VPS54: variants seen among roughly 807,000 people sequenced by gnomAD.
VPS54 encodes the protein VPS54 subunit of GARP complex.
In VPS54, 45 loss-of-function variants were observed where a neutral mutation model predicts 121.5. The ratio of observed to expected loss-of-function variants is 0.37; its 90% confidence interval spans 0.29 to 0.47. The LOEUF (loss-of-function observed/expected upper bound fraction) is 0.47, where lower values mean the gene tolerates loss of function less well. Among genes scored for constraint, VPS54 ranks in the 20% least tolerant of loss-of-function variants. The pLI is 0.99. For missense variants in VPS54, 1,090 were observed against 1,131.4 expected (o/e 0.96, Z 0.52); for synonymous variants, 371 against 385.8 (o/e 0.96, Z 0.45).
chr2:63,975,953 C>G (rs1461435967), intron 3 of VPS54, among the ~76,000 whole-genome samples: 2 of 152,194 alleles, frequency 1.3e-5, no homozygotes, highest in African/African-American at 4.8e-5. Context: ...CCACGTTGGC[C>G]AGGCTGGTCT....
chr2:63,913,896 G>C, intron 17 of VPS54: 1 of 1,148,788 alleles, frequency 8.7e-7, no homozygotes. Flanking sequence ...CAGGTTTTTT[G>C]ACCTAAGTGG....
chr2:64,006,210 C>T (rs1394741351), intron 1 of VPS54, among the ~76,000 whole-genome samples: 1 of 152,138 alleles, frequency 6.6e-6, no homozygotes, highest in African/African-American at 2.4e-5. Flanking sequence ...AACGAATGAG[C>T]AAATGAATGA....
intron 15 of VPS54, among the ~76,000 whole-genome samples, chr2:63,917,722 G>C (rs1384020346): frequency 6.6e-6 from 1 of 151,908 alleles, no homozygotes; most frequent in African/African-American, 2.4e-5. Flanking sequence ...TTGAGGTTAA[G>C]GACTGTGTCT....
intron 3 of VPS54, among the ~76,000 whole-genome samples, chr2:63,974,707 T>C (rs1676439371): frequency 6.6e-6 from 1 of 152,154 alleles, no homozygotes; most frequent in South Asian, 2.1e-4. Context: ...TAAATGGCAT[T>C]GGGTTTTTAA....
At chr2:63,922,566 T>C (rs957054866) in intron 12 of VPS54, among the ~76,000 whole-genome samples, 7 of 152,152 alleles carry the variant, frequency 4.6e-5, no homozygotes, top group Non-Finnish European at 7.4e-5. Context: ...CTGAGGTAGG[T>C]AGATAAATAA....
At position 64,005,315 on chromosome 2, in the gene VPS54, A is replaced by G. The variant is rs567313732; in HGVS notation, c.-21+13623T>C. On this transcript the variant is annotated intron_variant, in intron 1 of 22. Transcript: ENST00000272322. Reference sequence around the variant, plus strand: ...AGACGGGGTTTCACCGTGTTAGCCAAGATGGTCTCGATCTCCTGACCTTGT... The same window carrying G: ...AGACGGGGTTTCACCGTGTTAGCCAGGATGGTCTCGATCTCCTGACCTTGT... Among the ~76,000 whole-genome samples, 104 of 150,214 alleles carry G rather than the reference A, an allele frequency of 6.9e-4. No homozygotes were observed. The East Asian group carries it at 0.01, about 15-fold the overall frequency.
At chr2:63,933,234 C>A (rs1375633061) in intron 12 of VPS54, among the ~76,000 whole-genome samples, 1 of 152,076 alleles carries the variant, frequency 6.6e-6, no homozygotes, top group South Asian at 2.1e-4. Flanking sequence ...TTTGGAAATT[C>A]ATGTCTTTGA....
intron 6 of VPS54, among the ~76,000 whole-genome samples, chr2:63,964,506 C>T (rs1289166757): frequency 6.6e-6 from 1 of 152,134 alleles, no homozygotes; most frequent in Non-Finnish European, 1.5e-5. Flanking sequence ...ATTATTCTCT[C>T]AGGGCATATA....
chr2:64,009,152 TCTG>T, intron 1 of VPS54, among the ~76,000 whole-genome samples: 1 of 152,206 alleles, frequency 6.6e-6, no homozygotes, highest in African/African-American at 2.4e-5. Context: ...GCTTTCCTCT[TCTG>T]TCTTTGTCTC....
chr2:63,990,602 AC>A (rs1338821174), intron 1 of VPS54, among the ~76,000 whole-genome samples: 5 of 151,416 alleles, frequency 3.3e-5, no homozygotes, highest in Non-Finnish European at 1.5e-5. Context: ...CCTTTCTCAC[AC>A]TCTCATCCTG....
Position 63,962,351 on chromosome 2 carries a change from G to A in VPS54, c.717C>T (p.His239=), listed in dbSNP as rs1377979276. Residue 239 remains histidine (H), a synonymous_variant, in exon 7 of 23, where the codon CAC becomes CAT. Coordinates refer to ENST00000272322, the MANE Select transcript of VPS54 (RefSeq NM_016516.3). ...TTTTCCTGAGGTAGTCCTGCAACTC[G>A]TGTTGAGAGGTCATTGCATGAAAAA... ...EAFFHAMTSQ[H]ELQDYLRKTS... is the part of the protein sequence containing the mutation. The A allele has an allele frequency of 2.5e-6, 4 of 1,613,956 alleles. No homozygotes were observed. Among genetic ancestry groups the A allele is most frequent in the Admixed American group, 1.7e-5 (1 of 60,008 alleles).
At chr2:63,961,625 T>C (rs149838488) in intron 7 of VPS54, among the ~76,000 whole-genome samples, 35 of 152,330 alleles carry the variant, frequency 2.3e-4, no homozygotes, top group African/African-American at 8.4e-4. Context: ...TGGATTTCTT[T>C]TGCAATTTGA....
intron 7 of VPS54, among the ~76,000 whole-genome samples, chr2:63,957,743 T>G (rs898831880): frequency 1.3e-5 from 2 of 152,156 alleles, no homozygotes; most frequent in African/African-American, 4.8e-5. Context: ...AACAAATGTA[T>G]GTAGGAAGAT....
At chr2:63,903,009 A>G (rs1378561848) in intron 20 of VPS54, among the ~76,000 whole-genome samples, 1 of 152,126 alleles carries the variant, frequency 6.6e-6, no homozygotes, top group East Asian at 1.9e-4. Context: ...ATAACACAAC[A>G]TAACATAACA....
In VPS54 at chr2:63,893,329, T is replaced by C. The variant is rs1205657917; in HGVS notation, c.*101A>G. 2 of 1,035,826 alleles carry C rather than the reference T, an allele frequency of 1.9e-6. No individual in the cohort carries two copies. The highest frequency in any genetic ancestry group is 1.3e-5 in the South Asian group (1 of 79,454). The allele number at this position is 1,035,826 out of a possible 1,614,324, so 64.2% of individuals were successfully genotyped here. A position where few individuals can be genotyped will look rare whatever the true frequency, so the allele number is the denominator to read the frequency against. ...TTTCCCTTCCCCCACCCCAGTTCAC[T>C]TTGGGTTTCAGGTTCAATTCTCGAA... On this transcript the variant is annotated 3_prime_UTR_variant, in exon 23 of 23. Transcript: ENST00000272322.
chr2:63,901,636 TC>T (rs1672682743), intron 20 of VPS54, among the ~76,000 whole-genome samples: 1 of 152,028 alleles, frequency 6.6e-6, no homozygotes, highest in Non-Finnish European at 1.5e-5. Context: ...AACCCTATTC[TC>T]ATACAAAGTA....
At chr2:63,919,809 G>T (rs985888883) in intron 15 of VPS54, 74 bp downstream of exon 15, 1 of 1,098,662 alleles carries the variant, frequency 9.1e-7, no homozygotes, top group Non-Finnish European at 1.2e-6. Context: ...GTCAACTAAA[G>T]AAATATTAAG....
chr2:63,967,866 C>T (rs541437947), intron 5 of VPS54, among the ~76,000 whole-genome samples: 8 of 151,924 alleles, frequency 5.3e-5, no homozygotes, highest in Admixed American at 5.2e-4. Flanking sequence ...AGAAAGTACC[C>T]ATGTAAAGCT....
chr2:63,973,337 A>G (rs1310407650), intron 3 of VPS54, among the ~76,000 whole-genome samples: 1 of 152,162 alleles, frequency 6.6e-6, no homozygotes, highest in Non-Finnish European at 1.5e-5. Flanking sequence ...TTGGTGAGGT[A>G]TTTAGATCTT....
Sources: gnomAD v4.1 joint callset for allele counts (sites outside exome capture counted in the v4.1 genomes callset) on GRCh38, gnomAD v4.1.1 for gene constraint, MANE v1.5 for transcripts, NCBI Gene and HGNC (gene_info 2026-07-23, HGNC 2026-07-21) for gene names.